The following BRINP1 variants were observed in gnomAD, a reference collection of about 807,000 sequenced individuals.
BRINP1 encodes the protein BMP/retinoic acid inducible neural specific 1, also known as BMP/retinoic acid-inducible neural-specific protein 1.
In BRINP1, 17 loss-of-function variants were observed where a neutral mutation model predicts 72.9. The ratio of observed to expected loss-of-function variants is 0.23; its 90% CI spans 0.16 to 0.35. The LOEUF is 0.35. Ranked by LOEUF, BRINP1 falls within the 10% of genes least tolerant of loss-of-function variation. The pLI, the probability that BRINP1 is intolerant of heterozygous loss-of-function variation, is 1.00. For missense variants in BRINP1, 850 were observed against 1,001.6 expected, an observed-to-expected ratio of 0.85 and a Z score of 2.04; for synonymous variants, 418 against 378.5, an observed-to-expected ratio of 1.10 and a Z score of -1.21.
chr9:119,334,402 A>G (rs1263386739), intron 1 of BRINP1, among the ~76,000 whole-genome samples: 1 of 152,184 alleles, frequency 6.6e-6, no homozygotes, highest in Non-Finnish European at 1.5e-5. Context: ...TGAGAATTGA[A>G]GTAGTGTGCC....
At chr9:119,238,243 C>G (rs1159104064) in intron 5 of BRINP1, among the ~76,000 whole-genome samples, 1 of 152,056 alleles carries the variant, frequency 6.6e-6, no homozygotes, top group African/African-American at 2.4e-5. Context: ...AATCTCCTCT[C>G]CTTTTTATGA....
chr9:119,205,924 TA>T, intron 7 of BRINP1, among the ~76,000 whole-genome samples: 1 of 152,244 alleles, frequency 6.6e-6, no homozygotes, highest in Non-Finnish European at 1.5e-5. Flanking sequence ...CTTTTTCACC[TA>T]AAGATCTGAT....
intron 5 of BRINP1, among the ~76,000 whole-genome samples, chr9:119,221,244 C>T (rs928756455): frequency 2.6e-5 from 4 of 152,016 alleles, no homozygotes; most frequent in African/African-American, 9.7e-5. Context: ...TGTCCATTTC[C>T]GAAATGCACA....
chr9:119,300,509 A>G (rs938511176), intron 2 of BRINP1, among the ~76,000 whole-genome samples: 1 of 152,190 alleles, frequency 6.6e-6, no homozygotes, highest in South Asian at 2.1e-4. Context: ...CTATGTACAC[A>G]CAAGAATTAA....
intron 2 of BRINP1, among the ~76,000 whole-genome samples, chr9:119,284,301 C>T (rs1245432314): frequency 6.6e-6 from 1 of 152,160 alleles, no homozygotes; most frequent in Non-Finnish European, 1.5e-5. Context: ...AGCCAGAATC[C>T]GATGAAGCTG....
chr9:119,223,537 T>A (rs976192974), intron 5 of BRINP1, among the ~76,000 whole-genome samples: 18 of 152,090 alleles, frequency 1.2e-4, no homozygotes, highest in African/African-American at 4.1e-4. Flanking sequence ...ATATGTGTGC[T>A]CATGTTCATG....
intron 1 of BRINP1, among the ~76,000 whole-genome samples, chr9:119,314,205 T>C (rs1831101534): frequency 6.6e-6 from 1 of 152,166 alleles, no homozygotes; most frequent in African/African-American, 2.4e-5. Context: ...TCAGGGGGTC[T>C]CGCATGCTTC....
intron 4 of BRINP1, 46 bp from the exon 5 acceptor site, chr9:119,238,806 T>A: frequency 7.8e-7 from 1 of 1,288,188 alleles, no homozygotes; most frequent in Non-Finnish European, 1.1e-6. Flanking sequence ...GCAGTCCTTG[T>A]CTAGGACATA....
intron 2 of BRINP1, among the ~76,000 whole-genome samples, chr9:119,266,384 T>C (rs1309740932): frequency 2.0e-5 from 3 of 152,218 alleles, no homozygotes; most frequent in Admixed American, 6.5e-5. Context: ...CATTATATAT[T>C]GACAAATTAT....
chr9:119,275,486 C>A (rs1223537261), intron 2 of BRINP1, among the ~76,000 whole-genome samples: 2 of 152,142 alleles, frequency 1.3e-5, no homozygotes, highest in African/African-American at 2.4e-5. Flanking sequence ...TATATAGGTA[C>A]TCTGTCCCAA....
intron 5 of BRINP1, among the ~76,000 whole-genome samples, chr9:119,214,743 T>G (rs1332926657): frequency 6.6e-6 from 1 of 152,042 alleles, no homozygotes; most frequent in East Asian, 1.9e-4. Flanking sequence ...GCAAATAACA[T>G]TGTTTAGATA....
rs559765937 is a variant in BRINP1 at position 119,204,413 on chromosome 9, T to G, written c.1145+4306A>C. On this transcript the variant is annotated intron_variant, in intron 7 of 7. Transcript: ENST00000265922. ...AAGCCAAGTTTTAATCAGCTATAAT[T>G]GACCTCTCACTAAATCTAAATCTTA... is the stretch of plus-strand genomic sequence containing the variant. 2.0e-5 allele frequency among the ~76,000 whole-genome samples: 3 copies of G among 152,276 alleles called. No individual in the cohort carries two copies. In the South Asian group the frequency reaches 6.2e-4, roughly 32 times the overall value.
intron 1 of BRINP1, among the ~76,000 whole-genome samples, chr9:119,316,865 T>G (rs1336172163): frequency 6.6e-6 from 1 of 151,924 alleles, no homozygotes; most frequent in Non-Finnish European, 1.5e-5. Context: ...TATTGAGAAA[T>G]ACATTTCATG....
intron 2 of BRINP1, among the ~76,000 whole-genome samples, chr9:119,308,975 A>G (rs76889600): frequency 1.4e-4 from 8 of 58,242 alleles, no homozygotes; most frequent in Non-Finnish European, 3.7e-4. Flanking sequence ...ACAGTTAGGA[A>G]AAAAAAAAAC....
At chr9:119,202,339 C>G (rs1829813129) in intron 7 of BRINP1, among the ~76,000 whole-genome samples, 1 of 152,122 alleles carries the variant, frequency 6.6e-6, no homozygotes. Flanking sequence ...CATTCCCATT[C>G]CCATCCTGAT....
intron 3 of BRINP1, 35 bp downstream of exon 3, chr9:119,248,925 A>C (rs1588177086): frequency 1.9e-6 from 3 of 1,581,250 alleles, no homozygotes; most frequent in East Asian, 4.5e-5. Context: ...ACCCAAAGTC[A>C]TGAGAAGGCT....
At chr9:119,251,328 C>T (rs1306952373) in intron 2 of BRINP1, among the ~76,000 whole-genome samples, 2 of 152,126 alleles carry the variant, frequency 1.3e-5, no homozygotes, top group Non-Finnish European at 2.9e-5. Flanking sequence ...AAATCAAGGA[C>T]TACAGGACAC....
chr9:119,264,159 C>T (rs1235778086), intron 2 of BRINP1, among the ~76,000 whole-genome samples: 3 of 152,218 alleles, frequency 2.0e-5, no homozygotes, highest in Non-Finnish European at 4.4e-5. Flanking sequence ...CAATTAAATC[C>T]TCAGAAGTGA....
At chr9:119,209,003 C>T (rs1829890263) in intron 6 of BRINP1, 62 bp from the exon 7 acceptor site, 1 of 1,382,396 alleles carries the variant, frequency 7.2e-7, no homozygotes, top group Non-Finnish European at 1.0e-6. Flanking sequence ...CTAAAGTGGC[C>T]TTGAATGCTT....
Sources: allele counts gnomAD v4.1 joint callset (sites outside exome capture counted in the v4.1 genomes callset), GRCh38; gene constraint gnomAD v4.1.1; transcripts MANE v1.5; gene names NCBI Gene and HGNC (gene_info 2026-07-23, HGNC 2026-07-21).